Variants in FAM114A1 observed in about 807,000 individuals in gnomAD.
FAM114A1 encodes the protein protein NOXP20.
A neutral mutation model predicts 64.3 loss-of-function variants in FAM114A1; 62 were observed. The observed-to-expected ratio is 0.96, with a 90% confidence interval of 0.79 to 1.19. FAM114A1 has a LOEUF of 1.19. FAM114A1 is among the 50% of genes most tolerant of loss of function. The pLI, the probability that FAM114A1 is intolerant of heterozygous loss-of-function variation, is 0.00. For synonymous variants in FAM114A1, 254 were observed against 251.1 expected, an observed-to-expected ratio of 1.01 and a Z score of -0.11; for missense variants, 645 against 676.3, an observed-to-expected ratio of 0.95 and a Z score of 0.51.
At chr4:38,918,963 G>C (rs1287702835) in intron 8 of FAM114A1, among the ~76,000 whole-genome samples, 1 of 152,068 alleles carries the variant, frequency 6.6e-6, no homozygotes, top group Non-Finnish European at 1.5e-5. Context: ...GACCAGCCAG[G>C]CCAACAAGGC....
At chr4:38,914,684 T>A (rs1718869044) in intron 7 of FAM114A1, 1 of 440,434 alleles carries the variant, frequency 2.3e-6, no homozygotes, top group Admixed American at 3.6e-5. Context: ...TTCCCAGGCA[T>A]TGAATTTTTG....
chr4:38,921,987 G>C (rs779550327), intron 8 of FAM114A1, among the ~76,000 whole-genome samples: 4 of 152,146 alleles, frequency 2.6e-5, no homozygotes, highest in Non-Finnish European at 4.4e-5. Flanking sequence ...CTGTCACCAG[G>C]TTGGAGTGCA....
chr4:38,886,320 G>A (rs1364663422), intron 3 of FAM114A1, among the ~76,000 whole-genome samples: 3 of 151,616 alleles, frequency 2.0e-5, no homozygotes, highest in African/African-American at 4.8e-5. Context: ...TACAGCATGC[G>A]CCACCACACC....
intron 2 of FAM114A1, among the ~76,000 whole-genome samples, chr4:38,871,086 C>CTTTTTTTT (rs9306968): frequency 1.1e-5 from 1 of 94,036 alleles, no homozygotes; most frequent in Non-Finnish European, 2.0e-5. Context: ...TTTTTTCTTT[C>CTTTTTTTT]TTTTTTTTTT....
chr4:38,909,632 C>A (rs1015128030), intron 7 of FAM114A1, among the ~76,000 whole-genome samples: 3 of 152,162 alleles, frequency 2.0e-5, no homozygotes, highest in African/African-American at 7.2e-5. Flanking sequence ...CCAGGCATGC[C>A]CCAGTCCACC....
chr4:38,932,520 G>A (rs181340449), intron 12 of FAM114A1, 146 bp downstream of exon 12: 13 of 858,300 alleles, frequency 1.5e-5, no homozygotes, highest in South Asian at 1.2e-4. Flanking sequence ...TTGTTGAGAC[G>A]GGATCTCACT....
At chr4:38,922,707 G>A in intron 8 of FAM114A1, 63 bp from the exon 9 acceptor site, 2 of 1,548,726 alleles carry the variant, frequency 1.3e-6, no homozygotes, top group Middle Eastern at 1.7e-4. Context: ...GGGGACCGCT[G>A]TGTGTAAACG....
At chr4:38,936,392 C>A (rs1721100847) in intron 13 of FAM114A1, among the ~76,000 whole-genome samples, 1 of 151,706 alleles carries the variant, frequency 6.6e-6, no homozygotes, top group African/African-American at 2.4e-5. Flanking sequence ...CCGCGCCTGG[C>A]CTGTTTGTTT....
rs959871271 is a variant in FAM114A1 at position 38,945,076 on chromosome 4, A to G, written c.*1519A>G. On this transcript the variant is annotated 3_prime_UTR_variant, in exon 15 of 15. Coordinates refer to ENST00000358869, the MANE Select transcript of FAM114A1 (RefSeq NM_138389.4). ...TATATGAAAAGGGATACTGAAGAAT[A>G]TTTAGTTTAAAATTAATTTCTTACG... is the stretch of plus-strand genomic sequence containing the variant. 1 of 152,196 alleles carries G rather than the reference A, an allele frequency of 6.6e-6. No homozygotes were observed. Among genetic ancestry groups the G allele is most frequent in the Admixed American group, 6.5e-5 (1 of 15,286 alleles). The allele number at this position is 152,196 out of a possible 1,614,324, so 9.4% of individuals were successfully genotyped here.
At chr4:38,913,133 T>G (rs1351299638) in intron 7 of FAM114A1, among the ~76,000 whole-genome samples, 4 of 151,826 alleles carry the variant, frequency 2.6e-5, no homozygotes, top group African/African-American at 2.4e-5. Context: ...TGGTGGCCAG[T>G]GTCTTTACAG....
At chr4:38,943,347 A>C in intron 14 of FAM114A1, 109 bp from the exon 15 acceptor site, 4 of 793,664 alleles carry the variant, frequency 5.0e-6, no homozygotes, top group Non-Finnish European at 5.9e-6. Flanking sequence ...AGATAAATAT[A>C]ATCCAATATG....
At chr4:38,885,046 C>T (rs1437682850) in intron 3 of FAM114A1, among the ~76,000 whole-genome samples, 1 of 152,188 alleles carries the variant, frequency 6.6e-6, no homozygotes, top group East Asian at 1.9e-4. Flanking sequence ...ATGATCTCGG[C>T]TCACTGCAAC....
intron 9 of FAM114A1, among the ~76,000 whole-genome samples, chr4:38,926,548 C>T (rs927731933): frequency 6.6e-5 from 10 of 151,878 alleles, no homozygotes; most frequent in African/African-American, 1.2e-4. Flanking sequence ...TCCGCCCTCC[C>T]GGGTTCAAGT....
rs954951941 is a variant in FAM114A1 at position 38,882,680 on chromosome 4, G to A, written c.348+4254G>A. Among the ~76,000 whole-genome samples the A allele has an allele frequency of 5.9e-5, 9 of 152,140 alleles. No homozygotes were observed. In the East Asian group the frequency reaches 1.3e-3, roughly 23 times the overall value. ...GCTTGCTTTACTAAAAAAAGAAAAC[G>A]GGCAGAATAGACTTTGAGGACGTAC... is the stretch of plus-strand genomic sequence containing the variant. On this transcript the variant is annotated intron_variant, in intron 3 of 14. Coordinates refer to ENST00000358869, the MANE Select transcript of FAM114A1 (RefSeq NM_138389.4).
chr4:38,905,685 G>A (rs755662903), intron 5 of FAM114A1, 50 bp downstream of exon 5: 1 of 1,608,162 alleles, frequency 6.2e-7, no homozygotes, highest in Non-Finnish European at 8.5e-7. Flanking sequence ...TACACCATGT[G>A]CATAATCAGA....
chr4:38,909,229 T>A (rs1296192153), intron 7 of FAM114A1, among the ~76,000 whole-genome samples: 1 of 152,234 alleles, frequency 6.6e-6, no homozygotes, highest in Admixed American at 6.5e-5. Context: ...AGCTTACTCA[T>A]CTGTACACTG....
intron 2 of FAM114A1, among the ~76,000 whole-genome samples, chr4:38,874,329 G>C (rs114225202): frequency 6.6e-6 from 1 of 152,160 alleles, no homozygotes; most frequent in African/African-American, 2.4e-5. Context: ...GGGTGAAAGC[G>C]TGGTAAATGA....
chr4:38,930,253 T>G (rs1161012547), intron 10 of FAM114A1, among the ~76,000 whole-genome samples: 1 of 152,242 alleles, frequency 6.6e-6, no homozygotes, highest in East Asian at 1.9e-4. Context: ...CATTAATTAC[T>G]TAAAACTGCA....
chr4:38,943,433 AC>A (rs776419049), intron 14 of FAM114A1, 22 bp from the exon 15 acceptor site: 1 of 1,603,648 alleles, frequency 6.2e-7, no homozygotes, highest in South Asian at 1.1e-5. Flanking sequence ...TAACCCTTCA[AC>A]CTCATTTTTC....
Sources: allele counts gnomAD v4.1 joint callset (sites outside exome capture counted in the v4.1 genomes callset), GRCh38; gene constraint gnomAD v4.1.1; transcripts MANE v1.5; gene names NCBI Gene and HGNC (gene_info 2026-07-23, HGNC 2026-07-21).